The following RABGAP1L variants were observed in gnomAD, a reference collection of about 807,000 sequenced individuals.
The protein encoded by RABGAP1L is rab GTPase-activating protein 1-like.
Under a neutral mutation model 137.7 loss-of-function variants are expected in RABGAP1L, and 63 were observed. The observed-to-expected ratio is 0.46, with a 90% CI of 0.37 to 0.56. The LOEUF is 0.56. Among genes scored for constraint, RABGAP1L ranks in the 20% least tolerant of loss-of-function variants. The probability of loss-of-function intolerance (pLI) is 0.00; values close to 1 mark genes in which losing one functional copy is unlikely to be tolerated. For synonymous variants in RABGAP1L, 431 were observed against 433.7 expected (o/e 0.99, Z 0.08); for missense variants, 1,095 against 1,244.0 (o/e 0.88, Z 1.80).
intron 13 of RABGAP1L, among the ~76,000 whole-genome samples, chr1:174,571,680 C>G (rs1188696158): frequency 6.6e-6 from 1 of 152,146 alleles, no homozygotes; most frequent in Non-Finnish European, 1.5e-5. Flanking sequence ...CTTTCTAAGT[C>G]ACATACTATA....
At chr1:174,806,351 G>A (rs1689296594) in intron 18 of RABGAP1L, among the ~76,000 whole-genome samples, 2 of 152,200 alleles carry the variant, frequency 1.3e-5, no homozygotes, top group Non-Finnish European at 2.9e-5. Context: ...TGTAATCTTA[G>A]CTACTAGGAA....
At chr1:174,738,453 T>C (rs552019892) in intron 17 of RABGAP1L, among the ~76,000 whole-genome samples, 70 of 152,302 alleles carry the variant, frequency 4.6e-4, no homozygotes, top group Middle Eastern at 3.4e-3. Context: ...GTAAAATATA[T>C]AGAAATCAGT....
In RABGAP1L at chr1:174,818,373, A is replaced by G. The variant is rs150016280; in HGVS notation, c.2340+6413A>G. 1.4e-3 allele frequency among the ~76,000 whole-genome samples: 211 copies of G among 152,330 alleles called. 1 individual carries two copies. Among genetic ancestry groups the G allele is most frequent in the African/African-American group, 4.8e-3 (199 of 41,572 alleles). ...TCAGTGGTACCTAGAGGTCATGTAT[A>G]AGGTACTGAGAAGTGGAAAGTAGCT... On this transcript the variant is annotated intron_variant, in intron 19 of 25. Coordinates refer to ENST00000681986, the MANE Select transcript of RABGAP1L (RefSeq NM_001366446.1).
intron 13 of RABGAP1L, among the ~76,000 whole-genome samples, chr1:174,599,207 C>T (rs999911823): frequency 6.6e-6 from 1 of 152,166 alleles, no homozygotes; most frequent in Non-Finnish European, 1.5e-5. Context: ...AACGAAAAAG[C>T]AGAAGGAAAA....
intron 13 of RABGAP1L, among the ~76,000 whole-genome samples, chr1:174,599,562 G>T (rs1265748166): frequency 6.6e-6 from 1 of 152,084 alleles, no homozygotes; most frequent in African/African-American, 2.4e-5. Flanking sequence ...GTTTGTCTGG[G>T]AAAGTCTTTA....
intron 3 of RABGAP1L, among the ~76,000 whole-genome samples, chr1:174,226,602 T>G (rs2148489661): frequency 6.6e-6 from 1 of 152,334 alleles, no homozygotes; most frequent in Non-Finnish European, 1.5e-5. Context: ...AAGGGCATAG[T>G]CACTTAGAAT....
chr1:174,743,935 T>C (rs1234660672), intron 17 of RABGAP1L, among the ~76,000 whole-genome samples: 1 of 151,374 alleles, frequency 6.6e-6, no homozygotes, highest in East Asian at 1.9e-4. Flanking sequence ...AAATATATAA[T>C]TAAGCTAGAG....
intron 13 of RABGAP1L, among the ~76,000 whole-genome samples, chr1:174,528,914 C>T (rs1664154082): frequency 6.7e-6 from 1 of 148,552 alleles, no homozygotes; most frequent in Admixed American, 6.8e-5. Context: ...TATTTTTGGT[C>T]TGTGTTATTT....
chr1:174,339,412 A>T (rs2148887519), intron 11 of RABGAP1L, among the ~76,000 whole-genome samples: 1 of 152,298 alleles, frequency 6.6e-6, no homozygotes, highest in Non-Finnish European at 1.5e-5. Context: ...AGCCTAAACA[A>T]GTTGTCAGTA....
intron 13 of RABGAP1L, among the ~76,000 whole-genome samples, chr1:174,487,867 C>A (rs1029875525): frequency 7.9e-5 from 12 of 152,224 alleles, no homozygotes; most frequent in African/African-American, 2.9e-4. Context: ...ATAACAACTT[C>A]ACACTGTTTG....
At chr1:174,921,640 G>C (rs1406357160) in intron 19 of RABGAP1L, among the ~76,000 whole-genome samples, 7 of 152,198 alleles carry the variant, frequency 4.6e-5, no homozygotes, top group Non-Finnish European at 1.0e-4. Flanking sequence ...AATCAATGTG[G>C]AAATCTCTGG....
chr1:174,391,295 G>T (rs927057694), intron 12 of RABGAP1L, among the ~76,000 whole-genome samples: 1 of 152,108 alleles, frequency 6.6e-6, no homozygotes. Flanking sequence ...GGAGAATTGC[G>T]CATGGCATTG....
chr1:174,755,718 A>G (rs1306677490), intron 18 of RABGAP1L, among the ~76,000 whole-genome samples: 3 of 152,228 alleles, frequency 2.0e-5, no homozygotes, highest in East Asian at 3.8e-4. Flanking sequence ...ATATGTATGT[A>G]TGTATATTTT....
At chr1:174,656,748 T>G (rs1258992424) in intron 14 of RABGAP1L, among the ~76,000 whole-genome samples, 1 of 152,236 alleles carries the variant, frequency 6.6e-6, no homozygotes, top group East Asian at 1.9e-4. Context: ...GTATTCTTTG[T>G]CATGTCTGTC....
intron 19 of RABGAP1L, among the ~76,000 whole-genome samples, chr1:174,842,758 C>G (rs770730596): frequency 9.9e-5 from 15 of 152,272 alleles, no homozygotes; most frequent in South Asian, 4.1e-4. Flanking sequence ...TTTCAGTGAT[C>G]CTGTTCTCTG....
intron 11 of RABGAP1L, among the ~76,000 whole-genome samples, chr1:174,346,500 T>G (rs1235573174): frequency 1.3e-5 from 2 of 152,162 alleles, no homozygotes; most frequent in Non-Finnish European, 2.9e-5. Flanking sequence ...ATTTATCCAT[T>G]TATTCTAAGT....
chr1:174,761,571 G>T lies in RABGAP1L; in HGVS notation c.2211+9217G>T, dbSNP rs1573068054. Among the ~76,000 whole-genome samples, 1 of 151,788 alleles carries T rather than the reference G, an allele frequency of 6.6e-6. No homozygotes were observed. Reference sequence around the variant, plus strand: ...GATGGTGGGGCCGCCTAGCAGAGGCGCTCCTCATTTTTCAGACGGTGCGGC... The same window carrying T: ...GATGGTGGGGCCGCCTAGCAGAGGCTCTCCTCATTTTTCAGACGGTGCGGC... On this transcript the variant is annotated intron_variant, in intron 18 of 25. Coordinates refer to ENST00000681986, the MANE Select transcript of RABGAP1L (RefSeq NM_001366446.1). The surrounding 1 kb of genome is among the most constrained non-coding windows in gnomAD (Gnocchi z 4.0).
chr1:174,631,327 A>T (rs1401206121), intron 13 of RABGAP1L, among the ~76,000 whole-genome samples: 5 of 140,068 alleles, frequency 3.6e-5, no homozygotes, highest in East Asian at 2.0e-4. Flanking sequence ...GTGGTCAATT[A>T]TGGAATAGGT....
intron 13 of RABGAP1L, among the ~76,000 whole-genome samples, chr1:174,587,322 T>G (rs908545923): frequency 6.8e-6 from 1 of 146,954 alleles, no homozygotes; most frequent in Non-Finnish European, 1.5e-5. Context: ...AGGGATAGCA[T>G]TGGGAGATAT....
Sources: gnomAD v4.1 joint callset for allele counts (sites outside exome capture counted in the v4.1 genomes callset) on GRCh38, gnomAD v4.1.1 for gene constraint, Gnocchi (gnomAD v3.1) non-coding constraint, MANE v1.5 for transcripts, NCBI Gene and HGNC (gene_info 2026-07-23, HGNC 2026-07-21) for gene names.